GPHN: variants seen among roughly 807,000 people sequenced by gnomAD.
GPHN encodes the protein gephyrin.
GPHN carries 17 observed loss-of-function variants against 95.5 expected under a neutral mutation model. The observed-to-expected ratio is 0.18, with a 90% CI of 0.12 to 0.27. The LOEUF (loss-of-function observed/expected upper bound fraction) is 0.27, where lower values mean the gene tolerates loss of function less well. Among genes scored for constraint, GPHN ranks in the 10% least tolerant of loss-of-function variants. GPHN has a pLI of 1.00. For synonymous variants in GPHN, 320 were observed against 322.5 expected, an observed-to-expected ratio of 0.99 and a Z score of 0.08; for missense variants, 660 against 978.1, an observed-to-expected ratio of 0.67 and a Z score of 4.34.
At chr14:67,245,967 A>G in the GPHN span, among the ~76,000 whole-genome samples, 22,586 of 151,648 alleles carry the variant, frequency 0.15, 3,150 homozygotes, top group East Asian at 0.42. Flanking sequence ...TGTTTCACTT[A>G]TTTGTTTGTC....
chr14:67,590,507 A>C, the GPHN span, among the ~76,000 whole-genome samples: 1 of 152,122 alleles, frequency 6.6e-6, no homozygotes, highest in Admixed American at 6.5e-5. Context: ...TACAGGCACG[A>C]ACCACCATGC....
chr14:67,089,477 T>C (rs1595089532), intron 12 of GPHN, among the ~76,000 whole-genome samples: 1 of 152,170 alleles, frequency 6.6e-6, no homozygotes, highest in Admixed American at 6.6e-5. Flanking sequence ...TCCTTTGTGT[T>C]ACTGAAATTC....
chr14:67,713,744 G>A, the GPHN span, among the ~76,000 whole-genome samples: 1 of 152,168 alleles, frequency 6.6e-6, no homozygotes, highest in Non-Finnish European at 1.5e-5. Context: ...CATGTGTCCA[G>A]GATGGTCAGA....
chr14:66,577,204 G>T (rs2060943693), intron 1 of GPHN, among the ~76,000 whole-genome samples: 1 of 152,120 alleles, frequency 6.6e-6, no homozygotes, highest in Admixed American at 6.5e-5. Flanking sequence ...CTTAAAAGTG[G>T]CATGGGACTT....
chr14:67,257,062 T>C, the GPHN span, among the ~76,000 whole-genome samples: 1 of 152,070 alleles, frequency 6.6e-6, no homozygotes, highest in African/African-American at 2.4e-5. Context: ...ATATGTACGT[T>C]GGTTTGATCC....
chr14:66,841,925 C>A (rs1204397167), intron 4 of GPHN, among the ~76,000 whole-genome samples: 1 of 151,902 alleles, frequency 6.6e-6, no homozygotes, highest in Non-Finnish European at 1.5e-5. Context: ...TGGTGGTGCA[C>A]GCCTGTAATC....
At chr14:67,429,509 G>C in the GPHN span, among the ~76,000 whole-genome samples, 1 of 150,726 alleles carries the variant, frequency 6.6e-6, no homozygotes, top group African/African-American at 2.4e-5. Context: ...ATGGCCACAG[G>C]TGGATCTTTT....
intron 4 of GPHN, among the ~76,000 whole-genome samples, chr14:66,840,811 ACATTCCTATT>A (rs2062045331): frequency 6.6e-6 from 1 of 151,478 alleles, no homozygotes; most frequent in Admixed American, 6.6e-5. Context: ...CTGTTTTAGA[ACATTCCTATT>A]CTATAGTACA....
chr14:66,782,859 C>T (rs1294798437), intron 3 of GPHN, among the ~76,000 whole-genome samples: 1 of 151,690 alleles, frequency 6.6e-6, no homozygotes, highest in Non-Finnish European at 1.5e-5. Flanking sequence ...ACAAAAAAAC[C>T]AAAAGAAAGA....
rs185715114 is a variant in GPHN at position 67,062,142 on chromosome 14, A to G, written c.1144+3356A>G. Among the ~76,000 whole-genome samples, 31 of 152,350 alleles carry G rather than the reference A, an allele frequency of 2.0e-4. No individual in the cohort carries two copies. The East Asian group carries it at 4.2e-3, about 21-fold the overall frequency. Reference sequence around the variant, plus strand: ...CACTGTAAATTGAATTGTCATAAGTAAAATAAAGCCTAGAAAAAAAGGTAG... The same window carrying G: ...CACTGTAAATTGAATTGTCATAAGTGAAATAAAGCCTAGAAAAAAAGGTAG... On this transcript the variant is annotated intron_variant, in intron 11 of 22. Coordinates refer to ENST00000478722, the MANE Select transcript of GPHN (RefSeq NM_020806.5).
At chr14:66,837,257 T>A (rs1181198700) in intron 4 of GPHN, among the ~76,000 whole-genome samples, 1 of 151,688 alleles carries the variant, frequency 6.6e-6, no homozygotes, top group Non-Finnish European at 1.5e-5. Flanking sequence ...TGGAATACTA[T>A]GCAGCCATAA....
At chr14:66,634,874 A>C (rs1040159177) in intron 1 of GPHN, among the ~76,000 whole-genome samples, 1 of 152,228 alleles carries the variant, frequency 6.6e-6, no homozygotes, top group Non-Finnish European at 1.5e-5. Flanking sequence ...ACTATTAGAC[A>C]TGTACCCCAT....
intron 1 of GPHN, among the ~76,000 whole-genome samples, chr14:66,665,624 A>G (rs933790994): frequency 7.2e-5 from 11 of 152,314 alleles, no homozygotes; most frequent in African/African-American, 2.6e-4. Context: ...GGATGTGGAG[A>G]AATAGGAACA....
At chr14:67,632,808 ATTTTTT>A in the GPHN span, among the ~76,000 whole-genome samples, 8 of 62,414 alleles carry the variant, frequency 1.3e-4, no homozygotes, top group East Asian at 4.3e-3. Flanking sequence ...AAGCCTCTTA[ATTTTTT>A]TTTTTTTTTT....
At chr14:66,705,708 C>G (rs2153418123) in intron 2 of GPHN, among the ~76,000 whole-genome samples, 1 of 152,266 alleles carries the variant, frequency 6.6e-6, no homozygotes, top group South Asian at 2.1e-4. Flanking sequence ...CAGCCAATAG[C>G]ATACTGAATG....
intron 2 of GPHN, among the ~76,000 whole-genome samples, chr14:66,691,962 T>C (rs2067809630): frequency 6.6e-6 from 1 of 152,206 alleles, no homozygotes; most frequent in South Asian, 2.1e-4. Context: ...ATTTTTCTTT[T>C]TCTATGTTTG....
At chr14:67,333,790 G>A in the GPHN span, 1 of 150,784 alleles carries the variant, frequency 6.6e-6, no homozygotes, top group African/African-American at 2.5e-5. Flanking sequence ...ATGAATGGCA[G>A]GTGTTCATTA....
At chr14:66,602,329 A>T (rs1200354107) in intron 1 of GPHN, among the ~76,000 whole-genome samples, 3 of 151,614 alleles carry the variant, frequency 2.0e-5, no homozygotes, top group African/African-American at 4.8e-5. Flanking sequence ...CTAATCCATA[A>T]TTTTTTTTCA....
intron 17 of GPHN, among the ~76,000 whole-genome samples, chr14:67,138,915 TTA>T (rs1491571858): frequency 2.0e-4 from 27 of 133,916 alleles, no homozygotes; most frequent in African/African-American, 7.1e-4. Context: ...TTTTTTTTTT[TTA>T]AATTATTAAG....
Sources: allele counts gnomAD v4.1 joint callset (sites outside exome capture counted in the v4.1 genomes callset), GRCh38; gene constraint gnomAD v4.1.1; transcripts MANE v1.5; gene names NCBI Gene and HGNC (gene_info 2026-07-23, HGNC 2026-07-21).